Variants in GDAP1L1 observed in about 807,000 individuals in gnomAD.
The protein encoded by GDAP1L1 is ganglioside induced differentiation associated protein 1 like 1.
In GDAP1L1, 21 loss-of-function variants were observed where a neutral mutation model predicts 37.1. That is an observed-to-expected ratio of 0.57 (90% CI 0.40 to 0.81). The LOEUF (loss-of-function observed/expected upper bound fraction) is 0.81, where lower values mean the gene tolerates loss of function less well. GDAP1L1 is among the 40% of genes least tolerant of loss of function. The probability of loss-of-function intolerance (pLI) is 0.00; values close to 1 mark genes in which losing one functional copy is unlikely to be tolerated. For missense variants in GDAP1L1, 362 were observed against 491.6 expected (o/e 0.74, Z 2.49); for synonymous variants, 193 against 209.1 (o/e 0.92, Z 0.67).
chr20:44,264,329 G>A, intron 4 of GDAP1L1, 116 bp from the exon 5 acceptor site: 1 of 1,293,816 alleles, frequency 7.7e-7, no homozygotes, highest in East Asian at 3.2e-5. Flanking sequence ...CTATACACTT[G>A]GGGGGCATTT....
At chr20:44,251,347 C>T (rs950247163) in intron 1 of GDAP1L1, among the ~76,000 whole-genome samples, 1 of 152,180 alleles carries the variant, frequency 6.6e-6, no homozygotes, top group Non-Finnish European at 1.5e-5. Flanking sequence ...ACTGCCTCCT[C>T]TCAGGGTCTG....
chr20:44,270,117 A>T (rs183214377), intron 5 of GDAP1L1, among the ~76,000 whole-genome samples: 7 of 151,270 alleles, frequency 4.6e-5, no homozygotes, highest in Non-Finnish European at 8.9e-5. Context: ...CTGCTGTATT[A>T]GTTATCTGTG....
chr20:44,247,296 C>A, upstream of GDAP1L1: 1 of 1,607,506 alleles, frequency 6.2e-7, no homozygotes, highest in South Asian at 1.1e-5. Flanking sequence ...GCCGCCGCGC[C>A]GGAGCCTCCT....
At chr20:44,268,053 G>T (rs6017307) in intron 5 of GDAP1L1, among the ~76,000 whole-genome samples, 46,602 of 152,122 alleles carry the variant, frequency 0.31, 8,021 homozygotes, top group East Asian at 0.45. Flanking sequence ...ACATGGCCTC[G>T]GTTGCTCATC....
At position 44,248,990 on chromosome 20, in the gene GDAP1L1, G is replaced by A. The variant is rs186592288; in HGVS notation, c.180+1476G>A. 1.5e-3 allele frequency among the ~76,000 whole-genome samples: 231 copies of A among 152,240 alleles called. 2 individuals are homozygous for A. The highest frequency in any genetic ancestry group is 4.5e-3 in the African/African-American group (187 of 41,520). On this transcript the variant is annotated intron_variant, in intron 1 of 5. Transcript: ENST00000342560. Reference sequence around the variant, plus strand: ...TATGATGCACAAAAGTACTGATGATGGCAGTGCCTGGCGAGAGGTCAAGAC... The same window carrying A: ...TATGATGCACAAAAGTACTGATGATAGCAGTGCCTGGCGAGAGGTCAAGAC...
In GDAP1L1 at chr20:44,247,358, C is replaced by G. The variant is rs775208864; in HGVS notation, c.24C>G (p.Thr8=). 3.7e-6 allele frequency: 6 copies of G among 1,613,438 alleles called. No homozygotes were observed. Residue 8 remains threonine, a synonymous_variant, in exon 1 of 6, where the codon ACC becomes ACG. Coordinates refer to ENST00000342560, the MANE Select transcript of GDAP1L1 (RefSeq NM_024034.6). MATPNNL[T]PTNCSWWPIS... is the part of the protein sequence containing the mutation. ...TCATGGCGACCCCCAACAATCTGAC[C>G]CCCACCAACTGCAGCTGGTGGCCCA...
chr20:44,272,107 A>G (rs2062522956), intron 5 of GDAP1L1, among the ~76,000 whole-genome samples: 2 of 152,196 alleles, frequency 1.3e-5, no homozygotes, highest in African/African-American at 4.8e-5. Flanking sequence ...GCCAGAGGGC[A>G]TGAGCCCCGG....
chr20:44,248,365 C>G (rs1230801901), intron 1 of GDAP1L1, among the ~76,000 whole-genome samples: 2 of 152,262 alleles, frequency 1.3e-5, no homozygotes, highest in Non-Finnish European at 1.5e-5. Context: ...GGCCAGGGCC[C>G]AGAGGCAGGT....
intron 5 of GDAP1L1, among the ~76,000 whole-genome samples, chr20:44,277,107 T>C (rs2146063313): frequency 6.6e-6 from 1 of 152,296 alleles, no homozygotes; most frequent in African/African-American, 2.4e-5. Flanking sequence ...TCACTGCAAC[T>C]TCCGCCTCCC....
chr20:44,269,407 G>A (rs1162670221), intron 5 of GDAP1L1, among the ~76,000 whole-genome samples: 1 of 152,128 alleles, frequency 6.6e-6, no homozygotes, highest in East Asian at 1.9e-4. Context: ...GTCTCCATGG[G>A]GCTGAGTTGT....
At chr20:44,261,272 T>C (rs1284712378) in intron 3 of GDAP1L1, among the ~76,000 whole-genome samples, 2 of 150,016 alleles carry the variant, frequency 1.3e-5, no homozygotes, top group Non-Finnish European at 2.9e-5. Flanking sequence ...AGCCACCACA[T>C]GGGCAGCGCT....
intron 3 of GDAP1L1, among the ~76,000 whole-genome samples, chr20:44,260,583 C>T (rs2073653784): frequency 6.6e-6 from 1 of 152,084 alleles, no homozygotes; most frequent in Non-Finnish European, 1.5e-5. Context: ...AGCAGGAGAT[C>T]AGGGAGGTTC....
intron 1 of GDAP1L1, among the ~76,000 whole-genome samples, chr20:44,256,949 A>G (rs1191188225): frequency 2.6e-5 from 4 of 152,128 alleles, no homozygotes; most frequent in African/African-American, 7.2e-5. Context: ...TTGTCCCCCA[A>G]GCAGAACTGC....
rs372066812 is a variant in GDAP1L1, at chr20:44,251,250, CTGT to C, written c.180+3741_180+3743del. On this transcript the variant is annotated intron_variant, in intron 1 of 5. Coordinates refer to ENST00000342560, the MANE Select transcript of GDAP1L1 (RefSeq NM_024034.6). ...CAGAGGAGGTGATAATAAGAGTTGG[CTGT>C]TGTTACTGCTGTTATTTCCACCAGA... 1.0e-3 allele frequency among the ~76,000 whole-genome samples: 159 copies of C among 152,328 alleles called. 1 individual carries two copies. Among genetic ancestry groups the C allele is most frequent in the African/African-American group, 3.5e-3 (146 of 41,584 alleles).
chr20:44,252,074 A>G (rs1252867855), intron 1 of GDAP1L1, among the ~76,000 whole-genome samples: 2 of 152,226 alleles, frequency 1.3e-5, no homozygotes, highest in African/African-American at 2.4e-5. Context: ...ACCCTACTTT[A>G]TCGCCTACAT....
intron 3 of GDAP1L1, among the ~76,000 whole-genome samples, chr20:44,260,685 A>T (rs943947728): frequency 6.6e-6 from 1 of 152,054 alleles, no homozygotes; most frequent in Non-Finnish European, 1.5e-5. Context: ...GTAGAAGGGG[A>T]GAAAGAGGGA....
chr20:44,273,018 G>A (rs903878161), intron 5 of GDAP1L1, among the ~76,000 whole-genome samples: 1 of 152,184 alleles, frequency 6.6e-6, no homozygotes, highest in African/African-American at 2.4e-5. Flanking sequence ...ACTGAAAGCG[G>A]CCTGAGTTGA....
intron 1 of GDAP1L1, among the ~76,000 whole-genome samples, chr20:44,248,243 G>A (rs1201539359): frequency 6.6e-6 from 1 of 152,216 alleles, no homozygotes; most frequent in Non-Finnish European, 1.5e-5. Context: ...CAGGGTTCCC[G>A]CTTCCTGGGG....
At chr20:44,257,019 A>G in intron 1 of GDAP1L1, 134 bp from the exon 2 acceptor site, 1 of 954,236 alleles carries the variant, frequency 1.0e-6, no homozygotes, top group South Asian at 1.7e-5. Flanking sequence ...CAGGTGCCCA[A>G]GAATGGGCTG....
Sources: gnomAD v4.1 joint callset for allele counts (sites outside exome capture counted in the v4.1 genomes callset) on GRCh38, gnomAD v4.1.1 for gene constraint, MANE v1.5 for transcripts, NCBI Gene and HGNC (gene_info 2026-07-23, HGNC 2026-07-21) for gene names.